The following CHST11 variants were observed in gnomAD, a reference collection of about 807,000 sequenced individuals.
The protein encoded by CHST11 is carbohydrate sulfotransferase 11.
A neutral mutation model predicts 30.4 loss-of-function variants in CHST11; 9 were observed. The observed-to-expected ratio is 0.30, with a 90% CI of 0.18 to 0.52. The LOEUF (loss-of-function observed/expected upper bound fraction) is 0.52. Ranked by LOEUF, CHST11 falls within the 20% of genes least tolerant of loss-of-function variation. CHST11 has a pLI of 0.97. For missense variants in CHST11, 348 were observed against 460.6 expected (o/e 0.76, Z 2.24); for synonymous variants, 152 against 187.8 (o/e 0.81, Z 1.56).
rs1240403071 is a variant in CHST11, at chr12:104,524,433, A to G, written c.118+66904A>G. 4.6e-5 allele frequency among the ~76,000 whole-genome samples: 7 copies of G among 152,288 alleles called. No homozygotes were observed. The East Asian group carries it at 1.2e-3, about 25-fold the overall frequency. ...TCCAGGATGGACTGTTTAAAAATAT[A>G]TATCCAGCCAGAAAACAGACATAGA... is the stretch of plus-strand genomic sequence containing the variant. On this transcript the variant is annotated intron_variant, in intron 1 of 2. Coordinates refer to ENST00000303694, the MANE Select transcript of CHST11 (RefSeq NM_018413.6).
intron 2 of CHST11, among the ~76,000 whole-genome samples, chr12:104,684,077 G>A (rs76818797): frequency 0.017 from 2,608 of 152,268 alleles, 67 homozygotes; most frequent in Admixed American, 0.051. Context: ...GAGGAGATGC[G>A]GCAGAACTAG....
chr12:104,702,687 A>T (rs972521503), intron 2 of CHST11, among the ~76,000 whole-genome samples: 3 of 152,024 alleles, frequency 2.0e-5, no homozygotes, highest in African/African-American at 7.2e-5. Flanking sequence ...CCATTCTCTC[A>T]GCTCCTTCCC....
intron 2 of CHST11, among the ~76,000 whole-genome samples, chr12:104,738,764 G>A (rs1592867394): frequency 6.6e-6 from 1 of 152,208 alleles, no homozygotes; most frequent in African/African-American, 2.4e-5. Flanking sequence ...TCTTCTCTTG[G>A]CCACTAAATT....
At chr12:104,742,773 C>A (rs1420240838) in intron 2 of CHST11, among the ~76,000 whole-genome samples, 1 of 152,196 alleles carries the variant, frequency 6.6e-6, no homozygotes, top group Non-Finnish European at 1.5e-5. Flanking sequence ...GCCCTTGGCG[C>A]CCTCCCCCTC....
chr12:104,718,106 A>G (rs1395614055), intron 2 of CHST11, among the ~76,000 whole-genome samples: 1 of 152,224 alleles, frequency 6.6e-6, no homozygotes, highest in African/African-American at 2.4e-5. Context: ...TTTATTGAGC[A>G]CTTACTATGC....
intron 2 of CHST11, among the ~76,000 whole-genome samples, chr12:104,659,099 G>A (rs113120662): frequency 6.6e-6 from 1 of 152,366 alleles, no homozygotes; most frequent in African/African-American, 2.4e-5. Context: ...CACCATTGGA[G>A]GGGCTCAGAG....
chr12:104,645,693 C>T (rs1011037190), intron 2 of CHST11, among the ~76,000 whole-genome samples: 11 of 116,928 alleles, frequency 9.4e-5, no homozygotes, highest in Non-Finnish European at 1.8e-4. Flanking sequence ...AATCCCTTTT[C>T]CCATTAGGTG....
intron 1 of CHST11, among the ~76,000 whole-genome samples, chr12:104,460,232 C>G (rs919848544): frequency 1.3e-5 from 2 of 152,128 alleles, no homozygotes. Flanking sequence ...CAGCATGGCA[C>G]GGATTGTGTA....
intron 1 of CHST11, among the ~76,000 whole-genome samples, chr12:104,481,893 A>C (rs1488230246): frequency 7.7e-5 from 11 of 142,098 alleles, no homozygotes; most frequent in Non-Finnish European, 1.7e-4. Context: ...GCTGGAGTGC[A>C]ATGGTATGAT....
intron 2 of CHST11, among the ~76,000 whole-genome samples, chr12:104,635,361 T>G (rs2039312869): frequency 6.6e-6 from 1 of 152,252 alleles, no homozygotes; most frequent in South Asian, 2.1e-4. Context: ...TCGCAAATGT[T>G]GCCTGGCCTT....
intron 2 of CHST11, among the ~76,000 whole-genome samples, chr12:104,647,764 G>T (rs2039448915): frequency 6.6e-6 from 1 of 152,196 alleles, no homozygotes; most frequent in South Asian, 2.1e-4. Context: ...GAGTGGCTTA[G>T]TTGGACATGT....
At chr12:104,545,650 A>G (rs2038339847) in intron 1 of CHST11, among the ~76,000 whole-genome samples, 2 of 152,200 alleles carry the variant, frequency 1.3e-5, no homozygotes, top group Admixed American at 1.3e-4. Context: ...CGTTTCTTAT[A>G]AACAATAGAA....
At chr12:104,752,000 T>A (rs1474961442) in intron 2 of CHST11, among the ~76,000 whole-genome samples, 1 of 152,258 alleles carries the variant, frequency 6.6e-6, no homozygotes, top group African/African-American at 2.4e-5. Flanking sequence ...ATGATTGACC[T>A]CCTCTTTTAG....
chr12:104,582,957 A>C (rs901540451), intron 1 of CHST11, among the ~76,000 whole-genome samples: 3 of 151,938 alleles, frequency 2.0e-5, no homozygotes, highest in Non-Finnish European at 4.4e-5. Flanking sequence ...ACATGCAAAT[A>C]GCTTCATATC....
chr12:104,612,186 A>C (rs2039066999), intron 2 of CHST11, among the ~76,000 whole-genome samples: 1 of 152,224 alleles, frequency 6.6e-6, no homozygotes, highest in Non-Finnish European at 1.5e-5. Flanking sequence ...GGGCTGCTGT[A>C]ACAACATACC....
At chr12:104,750,291 C>A (rs781727914) in intron 2 of CHST11, among the ~76,000 whole-genome samples, 1 of 152,028 alleles carries the variant, frequency 6.6e-6, no homozygotes, top group Non-Finnish European at 1.5e-5. Context: ...TGACCCACAG[C>A]AGTGAGCAAG....
At chr12:104,646,743 C>G (rs2039436645) in intron 2 of CHST11, among the ~76,000 whole-genome samples, 1 of 152,200 alleles carries the variant, frequency 6.6e-6, no homozygotes, top group African/African-American at 2.4e-5. Flanking sequence ...CCTCTCCCGT[C>G]CCAGACTCTA....
At chr12:104,636,382 G>C (rs1260512648) in intron 2 of CHST11, among the ~76,000 whole-genome samples, 1 of 152,188 alleles carries the variant, frequency 6.6e-6, no homozygotes, top group Non-Finnish European at 1.5e-5. Context: ...ACTTCCTAAG[G>C]CTCAACTGTT....
In CHST11 at chr12:104,718,680, TG is replaced by T. The variant is rs1241065925; in HGVS notation, c.205-38264del. On this transcript the variant is annotated intron_variant, in intron 2 of 2. Transcript: ENST00000303694. ...ATCACTCCTACTTTAGAACTGAAAT[TG>T]GGGGCGTCTCCTCCCTGCCACCCAG... is the stretch of plus-strand genomic sequence containing the variant. 2.0e-5 allele frequency among the ~76,000 whole-genome samples: 3 copies of T among 152,142 alleles called. No homozygotes were observed. The East Asian group carries it at 5.8e-4, about 29-fold the overall frequency.
Sources: allele counts gnomAD v4.1 joint callset (sites outside exome capture counted in the v4.1 genomes callset), GRCh38; gene constraint gnomAD v4.1.1; transcripts MANE v1.5; gene names NCBI Gene and HGNC (gene_info 2026-07-23, HGNC 2026-07-21).